Variants in KCNK2 observed in about 807,000 individuals in gnomAD.
KCNK2 encodes the protein potassium two pore domain channel subfamily K member 2.
Under a neutral mutation model 40.5 loss-of-function variants are expected in KCNK2, and 21 were observed. The ratio of observed to expected loss-of-function variants is 0.52; its 90% CI spans 0.37 to 0.75. The LOEUF is 0.75. Among genes scored for constraint, KCNK2 ranks in the 30% least tolerant of loss-of-function variants. The pLI, the probability that KCNK2 is intolerant of heterozygous loss-of-function variation, is 0.00. For synonymous variants in KCNK2, 191 were observed against 202.2 expected, an observed-to-expected ratio of 0.94 and a Z score of 0.47; for missense variants, 399 against 531.6, an observed-to-expected ratio of 0.75 and a Z score of 2.45.
At chr1:215,216,617 T>C (rs1193543530) in intron 6 of KCNK2, among the ~76,000 whole-genome samples, 1 of 151,322 alleles carries the variant, frequency 6.6e-6, no homozygotes, top group Admixed American at 6.6e-5. Context: ...AATTTTCTAA[T>C]AGTCTTACTA....
At chr1:215,208,749 T>C (rs1415346825) in intron 6 of KCNK2, among the ~76,000 whole-genome samples, 1 of 152,086 alleles carries the variant, frequency 6.6e-6, no homozygotes, top group Non-Finnish European at 1.5e-5. Flanking sequence ...AGTATAAATA[T>C]GATGATTTTT....
chr1:215,025,142 C>A (rs188526996), intron 1 of KCNK2, among the ~76,000 whole-genome samples: 24 of 152,056 alleles, frequency 1.6e-4, no homozygotes, highest in Admixed American at 6.5e-4. Flanking sequence ...TCATGTAACT[C>A]TTCATAAATT....
chr1:215,189,147 C>G (rs1204391125), intron 5 of KCNK2, among the ~76,000 whole-genome samples: 1 of 152,106 alleles, frequency 6.6e-6, no homozygotes, highest in Non-Finnish European at 1.5e-5. Context: ...TAATGGCCAT[C>G]TGCATGATTT....
chr1:215,128,704 C>T (rs574669685), intron 3 of KCNK2, among the ~76,000 whole-genome samples: 1 of 151,218 alleles, frequency 6.6e-6, no homozygotes, highest in African/African-American at 2.5e-5. Context: ...CAGTCTGTGG[C>T]ATGACTAAGC....
intron 1 of KCNK2, among the ~76,000 whole-genome samples, chr1:215,053,816 AG>A (rs1658068329): frequency 6.6e-6 from 1 of 152,158 alleles, no homozygotes; most frequent in South Asian, 2.1e-4. Flanking sequence ...AAAATACAAA[AG>A]TTAGCCGGGC....
intron 3 of KCNK2, among the ~76,000 whole-genome samples, chr1:215,163,914 C>T (rs1210209706): frequency 1.3e-5 from 2 of 152,038 alleles, no homozygotes; most frequent in Non-Finnish European, 2.9e-5. Context: ...GGTTTTGTAT[C>T]AGGATGATGC....
chr1:215,014,707 C>G (rs1043533574), intron 1 of KCNK2, among the ~76,000 whole-genome samples: 11 of 152,080 alleles, frequency 7.2e-5, no homozygotes, highest in Non-Finnish European at 1.2e-4. Flanking sequence ...TCTCACCCCA[C>G]TGTAATCAGG....
chr1:215,041,418 A>G (rs1030766125), intron 1 of KCNK2, among the ~76,000 whole-genome samples: 10 of 152,192 alleles, frequency 6.6e-5, no homozygotes, highest in Non-Finnish European at 7.4e-5. Context: ...AAAAAGAGGT[A>G]AAAATCAAGT....
chr1:215,103,090 TG>T (rs1326984764), intron 2 of KCNK2, among the ~76,000 whole-genome samples: 1 of 151,870 alleles, frequency 6.6e-6, no homozygotes, highest in Non-Finnish European at 1.5e-5. Flanking sequence ...ACACAGGGTT[TG>T]GGATAGTAGG....
intron 5 of KCNK2, 152 bp from the exon 6 acceptor site, chr1:215,194,801 T>A: frequency 1.7e-6 from 1 of 573,896 alleles, no homozygotes; most frequent in South Asian, 2.6e-5. Context: ...AAAGGAGAAA[T>A]TCAAAATGAA....
chr1:215,206,478 C>G (rs1402201297), intron 6 of KCNK2, among the ~76,000 whole-genome samples: 1 of 152,020 alleles, frequency 6.6e-6, no homozygotes, highest in East Asian at 1.9e-4. Flanking sequence ...AGATTATAAC[C>G]TTTACATTAT....
At chr1:215,233,081 G>C (rs1378725641) in intron 6 of KCNK2, among the ~76,000 whole-genome samples, 1 of 152,112 alleles carries the variant, frequency 6.6e-6, no homozygotes, top group Admixed American at 6.5e-5. Context: ...TCTAAGTATA[G>C]TTGGACAGGA....
chr1:215,233,682 C>G (rs1040799324), intron 6 of KCNK2, among the ~76,000 whole-genome samples: 1 of 152,166 alleles, frequency 6.6e-6, no homozygotes, highest in Non-Finnish European at 1.5e-5. Flanking sequence ...GCTTGTGAAG[C>G]AAACGAGAGC....
chr1:215,005,835 G>A (rs1039918679), upstream of KCNK2: 4 of 1,243,644 alleles, frequency 3.2e-6, no homozygotes, highest in Non-Finnish European at 4.7e-6. Flanking sequence ...AAGTGACTCT[G>A]TTTTGGAAAT....
intron 3 of KCNK2, among the ~76,000 whole-genome samples, chr1:215,161,487 G>T (rs1571681243): frequency 6.6e-6 from 1 of 151,696 alleles, no homozygotes; most frequent in East Asian, 1.9e-4. Flanking sequence ...TGTTACATAG[G>T]TATACATGTG....
chr1:215,150,461 A>G (rs1217875050), intron 3 of KCNK2, among the ~76,000 whole-genome samples: 3 of 152,156 alleles, frequency 2.0e-5, no homozygotes, highest in African/African-American at 7.2e-5. Flanking sequence ...TTTTAAATGT[A>G]ATGATACGTT....
At chr1:215,105,035 A>G (rs2102555320) in intron 2 of KCNK2, among the ~76,000 whole-genome samples, 1 of 152,226 alleles carries the variant, frequency 6.6e-6, no homozygotes, top group East Asian at 1.9e-4. Flanking sequence ...GTTCTGTTAT[A>G]TCAGGCACTT....
intron 5 of KCNK2, among the ~76,000 whole-genome samples, chr1:215,180,550 T>C: frequency 6.6e-6 from 1 of 152,216 alleles, no homozygotes; most frequent in East Asian, 1.9e-4. Flanking sequence ...AAGGTTAATG[T>C]AGTGGTAACA....
chr1:215,194,917 A>C (rs768480592), intron 5 of KCNK2, 36 bp from the exon 6 acceptor site: 4 of 1,604,026 alleles, frequency 2.5e-6, no homozygotes, highest in Non-Finnish European at 3.4e-6. Context: ...TTTTAAGACT[A>C]TGAAGTTATT....
Sources: gnomAD v4.1 joint callset for allele counts (sites outside exome capture counted in the v4.1 genomes callset) on GRCh38, gnomAD v4.1.1 for gene constraint, MANE v1.5 for transcripts, NCBI Gene and HGNC (gene_info 2026-07-23, HGNC 2026-07-21) for gene names.